NPAS3: variants seen among roughly 807,000 people sequenced by gnomAD.
NPAS3 encodes the protein neuronal PAS domain protein 3.
A neutral mutation model predicts 73.1 loss-of-function variants in NPAS3; 14 were observed. The ratio of observed to expected loss-of-function variants is 0.19; its 90% CI spans 0.13 to 0.30. NPAS3 has a LOEUF of 0.30. NPAS3 is among the 10% of genes least tolerant of loss of function. The pLI, the probability that NPAS3 is intolerant of heterozygous loss-of-function variation, is 1.00. For synonymous variants in NPAS3, 620 were observed against 541.5 expected, an observed-to-expected ratio of 1.14 and a Z score of -2.01; for missense variants, 1,096 against 1,250.0, an observed-to-expected ratio of 0.88 and a Z score of 1.86.
intron 6 of NPAS3, among the ~76,000 whole-genome samples, chr14:33,686,975 A>AAAG (rs2060106711): frequency 1.3e-5 from 2 of 152,208 alleles, no homozygotes; most frequent in Non-Finnish European, 2.9e-5. Flanking sequence ...CAAACAAAAA[A>AAAG]AGTCATTTAA....
At chr14:33,228,586 C>T (rs969108685) in intron 3 of NPAS3, among the ~76,000 whole-genome samples, 2 of 151,928 alleles carry the variant, frequency 1.3e-5, no homozygotes, top group Non-Finnish European at 2.9e-5. Context: ...TTATTTTCTC[C>T]TTTAATTTAC....
intron 3 of NPAS3, among the ~76,000 whole-genome samples, chr14:33,217,110 G>A (rs1368453405): frequency 6.6e-6 from 1 of 152,122 alleles, no homozygotes; most frequent in African/African-American, 2.4e-5. Context: ...TTACATGGCA[G>A]CAGGAGAGAG....
At chr14:32,966,244 A>T (rs2037152972) in intron 1 of NPAS3, among the ~76,000 whole-genome samples, 1 of 152,180 alleles carries the variant, frequency 6.6e-6, no homozygotes, top group African/African-American at 2.4e-5. Context: ...GAATAGCTAA[A>T]GAATCTTGAG....
intron 3 of NPAS3, among the ~76,000 whole-genome samples, chr14:33,238,262 G>T (rs1307972298): frequency 2.0e-5 from 3 of 151,970 alleles, no homozygotes; most frequent in Non-Finnish European, 1.5e-5. Context: ...CTTCAAATAG[G>T]AAGTACTAGG....
intron 5 of NPAS3, among the ~76,000 whole-genome samples, chr14:33,664,699 G>A (rs2059402832): frequency 6.6e-6 from 1 of 152,110 alleles, no homozygotes; most frequent in African/African-American, 2.4e-5. Context: ...GTAGGCAAAG[G>A]ATATAAACAG....
intron 2 of NPAS3, among the ~76,000 whole-genome samples, chr14:33,193,364 GA>G (rs201322565): frequency 2.0e-4 from 30 of 152,212 alleles, no homozygotes; most frequent in African/African-American, 6.7e-4. Flanking sequence ...AGTCAATATT[GA>G]AGTGATTATC....
At chr14:33,510,916 G>C (rs2053018783) in intron 4 of NPAS3, among the ~76,000 whole-genome samples, 1 of 151,992 alleles carries the variant, frequency 6.6e-6, no homozygotes, top group Non-Finnish European at 1.5e-5. Context: ...ATGTTTTTCA[G>C]TGGTCACTTA....
intron 2 of NPAS3, among the ~76,000 whole-genome samples, chr14:33,193,742 T>C (rs1264711262): frequency 2.0e-5 from 3 of 152,200 alleles, no homozygotes; most frequent in Admixed American, 6.5e-5. Context: ...TTGAAATGAA[T>C]TTCACACCAT....
chr14:33,598,318 T>C (rs1427233022), intron 5 of NPAS3, among the ~76,000 whole-genome samples: 1 of 152,244 alleles, frequency 6.6e-6, no homozygotes. Flanking sequence ...TCTTCAAAAA[T>C]TGGAGTCTTC....
intron 4 of NPAS3, among the ~76,000 whole-genome samples, chr14:33,559,424 G>A (rs1414343594): frequency 1.3e-5 from 2 of 152,136 alleles, no homozygotes; most frequent in Non-Finnish European, 2.9e-5. Context: ...CTTGATATAG[G>A]AAGCCTTTTT....
intron 3 of NPAS3, among the ~76,000 whole-genome samples, chr14:33,247,359 G>A (rs540604726): frequency 6.6e-6 from 1 of 152,234 alleles, no homozygotes; most frequent in East Asian, 1.9e-4. Flanking sequence ...AGACGGTATT[G>A]CCTTTTGTTT....
At chr14:32,998,412 T>C (rs952544011) in intron 1 of NPAS3, among the ~76,000 whole-genome samples, 1 of 151,030 alleles carries the variant, frequency 6.6e-6, no homozygotes, top group African/African-American at 2.4e-5. Context: ...GGGTATGGGG[T>C]TTTTTTTTGG....
In NPAS3 at chr14:32,955,756, A is replaced by G. The variant is rs73264622; in HGVS notation, c.50+16390A>G. Among the ~76,000 whole-genome samples the G allele has an allele frequency of 2.0e-3, 310 of 152,232 alleles. 1 individual carries two copies. Among genetic ancestry groups the G allele is most frequent in the African/African-American group, 7.3e-3 (302 of 41,568 alleles). ...TCTAATTCTGCCTATTGATATTTAC[A>G]TTTCATCCCAGGAATTTCCCATTTC... On this transcript the variant is annotated intron_variant, in intron 1 of 11. Transcript: ENST00000356141.
rs2041464527 is a variant in NPAS3, at chr14:33,070,957, A to G, written c.140+14963A>G. On this transcript the variant is annotated intron_variant, in intron 2 of 11. Transcript: ENST00000356141. ...TTCAGAAACCTTTTTCTAATAAGGAACTTAGAGATGTGTGGCAGGTTGAGG... is the reference window on the plus strand; with the variant it reads ...TTCAGAAACCTTTTTCTAATAAGGAGCTTAGAGATGTGTGGCAGGTTGAGG... Among the ~76,000 whole-genome samples, 3 of 152,206 alleles carry G rather than the reference A, an allele frequency of 2.0e-5. 1 individual carries two copies. The South Asian group carries it at 6.2e-4, about 31-fold the overall frequency.
At chr14:32,965,670 C>A (rs148637300) in intron 1 of NPAS3, among the ~76,000 whole-genome samples, 1 of 152,288 alleles carries the variant, frequency 6.6e-6, no homozygotes, top group East Asian at 1.9e-4. Flanking sequence ...TGCCCACTTT[C>A]ACCACTTCTA....
intron 2 of NPAS3, among the ~76,000 whole-genome samples, chr14:33,207,411 G>T (rs2046871303): frequency 6.6e-6 from 1 of 152,120 alleles, no homozygotes; most frequent in African/African-American, 2.4e-5. Context: ...ATCTCTGAGT[G>T]TGAACTGATT....
At chr14:33,260,502 C>G (rs2048935970) in intron 3 of NPAS3, among the ~76,000 whole-genome samples, 1 of 152,136 alleles carries the variant, frequency 6.6e-6, no homozygotes, top group African/African-American at 2.4e-5. Flanking sequence ...TTAAGTTTTT[C>G]TTTTCTTCCA....
intron 5 of NPAS3, among the ~76,000 whole-genome samples, chr14:33,664,623 A>C (rs771566823): frequency 4.6e-5 from 7 of 152,230 alleles, no homozygotes; most frequent in Admixed American, 1.3e-4. Context: ...TCCATCTGAC[A>C]AAGGGCTAAT....
chr14:33,272,297 T>A (rs142811470), intron 3 of NPAS3, among the ~76,000 whole-genome samples: 25 of 152,336 alleles, frequency 1.6e-4, no homozygotes, highest in African/African-American at 6.0e-4. Context: ...ATTATAGCAG[T>A]GGGATATTCA....
Sources: allele counts gnomAD v4.1 joint callset (sites outside exome capture counted in the v4.1 genomes callset), GRCh38; gene constraint gnomAD v4.1.1; transcripts MANE v1.5; gene names NCBI Gene and HGNC (gene_info 2026-07-23, HGNC 2026-07-21).